Variants in BBS5 observed in about 807,000 individuals in gnomAD.
BBS5 encodes the protein Bardet-Biedl syndrome 5, also known as BBSome complex member BBS5.
Under a neutral mutation model 50.2 loss-of-function variants are expected in BBS5, and 39 were observed. The observed-to-expected ratio is 0.78, with a 90% confidence interval of 0.60 to 1.01. The LOEUF (loss-of-function observed/expected upper bound fraction) is 1.01. Ranked by LOEUF, BBS5 falls within the 50% of genes least tolerant of loss-of-function variation. BBS5 has a pLI of 0.00. For missense variants in BBS5, 356 were observed against 401.5 expected, an observed-to-expected ratio of 0.89 and a Z score of 0.97; for synonymous variants, 134 against 133.1, an observed-to-expected ratio of 1.01 and a Z score of -0.05.
intron 5 of BBS5, among the ~76,000 whole-genome samples, chr2:169,491,741 T>G (rs1221311331): frequency 1.3e-5 from 2 of 152,130 alleles, no homozygotes; most frequent in Non-Finnish European, 2.9e-5. Flanking sequence ...ACAGATTCAT[T>G]CTAGTTTTCT....
chr2:169,497,906 C>T (rs2105300559), intron 8 of BBS5, among the ~76,000 whole-genome samples: 1 of 152,272 alleles, frequency 6.6e-6, no homozygotes, highest in South Asian at 2.1e-4. Flanking sequence ...CATTTGTGAT[C>T]ATCACTTATT....
chr2:169,492,845 A>T, intron 5 of BBS5, 29 bp from the exon 6 acceptor site: 1 of 1,594,756 alleles, frequency 6.3e-7, no homozygotes, highest in African/African-American at 1.3e-5. Context: ...TTTCAGTTTG[A>T]GTTGTCTTTT....
chr2:169,482,354 A>C, intron 2 of BBS5, 21 bp downstream of exon 2: 1 of 1,395,952 alleles, frequency 7.2e-7, no homozygotes, highest in Non-Finnish European at 1.0e-6. Context: ...TTTTAAATGT[A>C]TCTTATATTC....
intron 10 of BBS5, 48 bp from the exon 11 acceptor site, chr2:169,504,255 G>T (rs72885849): frequency 1.3e-6 from 2 of 1,556,198 alleles, no homozygotes; most frequent in South Asian, 1.1e-5. Context: ...TGATCTATTC[G>T]AATATTATAT....
intron 5 of BBS5, 48 bp downstream of exon 5, chr2:169,488,162 G>C: frequency 6.3e-7 from 1 of 1,585,456 alleles, no homozygotes; most frequent in East Asian, 2.2e-5. Context: ...TTTACTCTAT[G>C]GTTTTAGACT....
Position 169,487,861 on chromosome 2 carries a change from T to C in BBS5, c.258+6T>C. 1 of 1,598,006 alleles carries C rather than the reference T, an allele frequency of 6.3e-7. No individual in the cohort carries two copies. Among genetic ancestry groups the C allele is most frequent in the South Asian group, 1.1e-5 (1 of 90,316 alleles). ...CAACAAGGACTGCTAACTCTGTAAG[T>C]CTAAAAAATCTTATTGCAATATATA... On this transcript the variant is annotated splice_donor_region_variant and intron_variant, in intron 4 of 11. Coordinates refer to ENST00000295240, the MANE Select transcript of BBS5 (RefSeq NM_152384.3).
At chr2:169,486,964 G>A (rs1174446515) in intron 2 of BBS5, 105 bp from the exon 3 acceptor site, 6 of 788,214 alleles carry the variant, frequency 7.6e-6, no homozygotes, top group South Asian at 5.5e-5. Context: ...AAATATCTGA[G>A]TGTTGCTTCT....
chr2:169,492,848 T>C, intron 5 of BBS5, 26 bp from the exon 6 acceptor site: 1 of 1,598,930 alleles, frequency 6.3e-7, no homozygotes, highest in Non-Finnish European at 8.5e-7. Flanking sequence ...CAGTTTGAGT[T>C]GTCTTTTGTT....
At chr2:169,498,617 A>G (rs910096429) in intron 8 of BBS5, among the ~76,000 whole-genome samples, 1 of 152,070 alleles carries the variant, frequency 6.6e-6, no homozygotes, top group African/African-American at 2.4e-5. Context: ...GGAGATCGAG[A>G]CCACGGTGAA....
intron 5 of BBS5, among the ~76,000 whole-genome samples, chr2:169,491,664 C>A (rs1466275594): frequency 6.6e-6 from 1 of 151,938 alleles, no homozygotes; most frequent in South Asian, 2.1e-4. Context: ...TCTTTCTCCC[C>A]CTCTCCCTCC....
chr2:169,505,198 C>G lies in BBS5; in HGVS notation c.*616C>G. On this transcript the variant is annotated 3_prime_UTR_variant, in exon 12 of 12. Coordinates refer to ENST00000295240, the MANE Select transcript of BBS5 (RefSeq NM_152384.3). ...TCTCCAGCTCCTAACCGCGAGTGAT[C>G]CGCCAGCCTCGGCCTCCCGAGGTGC... The G allele has an allele frequency of 1.9e-6, 1 of 537,308 alleles. No individual in the cohort carries two copies. The highest frequency in any genetic ancestry group is 1.9e-5 in the South Asian group (1 of 52,972). 33.3% of individuals were successfully genotyped at this position (537,308 alleles called of 1,614,324 possible).
At chr2:169,503,795 A>G (rs1162977383) in intron 10 of BBS5, among the ~76,000 whole-genome samples, 1 of 152,254 alleles carries the variant, frequency 6.6e-6, no homozygotes, top group Non-Finnish European at 1.5e-5. Context: ...GAATCTGACT[A>G]GAATACCTGT....
intron 9 of BBS5, among the ~76,000 whole-genome samples, chr2:169,500,369 T>A (rs1468133961): frequency 6.6e-6 from 1 of 152,218 alleles, no homozygotes; most frequent in Non-Finnish European, 1.5e-5. Context: ...CCCCCCACTG[T>A]CTGCTCTATC....
At position 169,503,089 on chromosome 2, in the gene BBS5, T is replaced by A; in HGVS notation, c.817-6T>A. 1 of 1,610,786 alleles carries A rather than the reference T, an allele frequency of 6.2e-7. No homozygotes were observed. Among genetic ancestry groups the A allele is most frequent in the Non-Finnish European group, 8.5e-7 (1 of 1,177,198 alleles). ...CTGATGCATTTTAACATCTGCTGAT[T>A]TTCAGCCCCAGCCGCTCGAAGCTCT... On this transcript the variant is annotated splice_region_variant and splice_polypyrimidine_tract_variant and intron_variant, in intron 9 of 11. Coordinates refer to ENST00000295240, the MANE Select transcript of BBS5 (RefSeq NM_152384.3).
Position 169,505,983 on chromosome 2 carries a change from GC to G in BBS5, c.*1405del, listed in dbSNP as rs1683911514. ...GGGTCAGCCCCCCGCCCGGCCAGCCGCCCCGTCCGGGAGGGAGGTGGGGGAT... is the reference window on the plus strand; with the variant it reads ...GGGTCAGCCCCCCGCCCGGCCAGCCGCCCGTCCGGGAGGGAGGTGGGGGAT... On this transcript the variant is annotated 3_prime_UTR_variant, in exon 12 of 12. Coordinates refer to ENST00000295240, the MANE Select transcript of BBS5 (RefSeq NM_152384.3). 1.8e-5 allele frequency: 1 copy of G among 56,458 alleles called. No individual in the cohort carries two copies. The highest frequency in any genetic ancestry group is 4.9e-5 in the Non-Finnish European group (1 of 20,298). 3.5% of individuals were successfully genotyped at this position (56,458 alleles called of 1,614,324 possible).
chr2:169,484,286 G>C (rs1214691562), intron 2 of BBS5, among the ~76,000 whole-genome samples: 31 of 152,172 alleles, frequency 2.0e-4, no homozygotes, highest in Admixed American at 2.0e-3. Context: ...GGGAGGCTGA[G>C]GTGGGAGGAT....
At position 169,499,524 on chromosome 2, in the gene BBS5, G is replaced by A. The variant is rs1198905305; in HGVS notation, c.720G>A (p.Val240=). 1 of 1,613,132 alleles carries A rather than the reference G, an allele frequency of 6.2e-7. No individual in the cohort carries two copies. Among genetic ancestry groups the A allele is most frequent in the Admixed American group, 1.7e-5 (1 of 59,978 alleles). Residue 240 remains valine (V), a synonymous_variant, in exon 9 of 12, where the codon GTG becomes GTA. Transcript: ENST00000295240. ...GYVLGFKIDP[V]EKLQESVKEI... ...TTCTTGGCTTTAAAATAGATCCTGT[G>A]GAAAAACTACAAGAATCAGTTAAGG...
At chr2:169,497,483 T>C (rs1435652178) in intron 7 of BBS5, 144 bp from the exon 8 acceptor site, 13 of 595,684 alleles carry the variant, frequency 2.2e-5, no homozygotes. Context: ...TTGATCTCTG[T>C]GGCAGTTTAA....
intron 5 of BBS5, among the ~76,000 whole-genome samples, chr2:169,490,608 GAT>G (rs1683579704): frequency 6.6e-6 from 1 of 151,934 alleles, no homozygotes; most frequent in South Asian, 2.1e-4. Context: ...TAATTTTATT[GAT>G]GTTTTAGTCT....
Sources: allele counts gnomAD v4.1 joint callset (sites outside exome capture counted in the v4.1 genomes callset), GRCh38; gene constraint gnomAD v4.1.1; transcripts MANE v1.5; gene names NCBI Gene and HGNC (gene_info 2026-07-23, HGNC 2026-07-21).